CTNNBL1: variants seen among roughly 807,000 people sequenced by gnomAD.
CTNNBL1 encodes beta-catenin-like protein 1.
Under a neutral mutation model 72.7 loss-of-function variants are expected in CTNNBL1, and 31 were observed. The observed-to-expected ratio is 0.43, with a 90% CI of 0.32 to 0.58. The LOEUF is 0.58. Among genes scored for constraint, CTNNBL1 ranks in the 20% least tolerant of loss-of-function variants. The pLI is 0.08. For synonymous variants in CTNNBL1, 240 were observed against 267.3 expected (o/e 0.90, Z 1.00); for missense variants, 534 against 725.1 (o/e 0.74, Z 3.03).
chr20:37,839,059 G>A (rs980546978), intron 11 of CTNNBL1, among the ~76,000 whole-genome samples: 25 of 152,054 alleles, frequency 1.6e-4, no homozygotes, highest in African/African-American at 5.8e-4. Context: ...CGATTACCAG[G>A]GAAGTGAATA....
At chr20:37,766,102 C>T (rs1392354700) in intron 6 of CTNNBL1, among the ~76,000 whole-genome samples, 1 of 151,892 alleles carries the variant, frequency 6.6e-6, no homozygotes, top group Non-Finnish European at 1.5e-5. Context: ...TAGTTCTGGA[C>T]TCTGTTCCCT....
intron 13 of CTNNBL1, among the ~76,000 whole-genome samples, chr20:37,843,105 G>A (rs1704537934): frequency 6.6e-6 from 1 of 152,144 alleles, no homozygotes; most frequent in South Asian, 2.1e-4. Flanking sequence ...CTTTCCATCT[G>A]TATTCCTTAA....
At chr20:37,833,040 C>T (rs1600516635) in intron 11 of CTNNBL1, among the ~76,000 whole-genome samples, 1 of 152,098 alleles carries the variant, frequency 6.6e-6, no homozygotes, top group Non-Finnish European at 1.5e-5. Context: ...AGCATGCCTC[C>T]GTGTGTATCA....
rs575140701 is a variant in CTNNBL1 at position 37,782,070 on chromosome 20, T to C, written c.1031+2735T>C. 5.3e-5 allele frequency among the ~76,000 whole-genome samples: 8 copies of C among 152,304 alleles called. No homozygotes were observed. In the South Asian group the frequency reaches 1.2e-3, roughly 24 times the overall value. On this transcript the variant is annotated intron_variant, in intron 10 of 15. Coordinates refer to ENST00000361383, the MANE Select transcript of CTNNBL1 (RefSeq NM_030877.5). ...CAGGTATTTTGGCAGAATTAAACTA[T>C]ATAAAGTATCTAGGAGAATTCTACA...
At chr20:37,698,392 C>T (rs1004228943) in intron 1 of CTNNBL1, among the ~76,000 whole-genome samples, 2 of 152,154 alleles carry the variant, frequency 1.3e-5, no homozygotes, top group South Asian at 2.1e-4. Context: ...GAGGCCCACC[C>T]GTTAGGCACC....
chr20:37,740,420 A>G (rs1267256882), intron 3 of CTNNBL1, among the ~76,000 whole-genome samples: 1 of 152,160 alleles, frequency 6.6e-6, no homozygotes, highest in Non-Finnish European at 1.5e-5. Context: ...CATACCCAAA[A>G]ATGCCTCTCT....
In CTNNBL1 at chr20:37,719,030, T is replaced by C. The variant is rs141475849; in HGVS notation, c.31-13849T>C. 2.3e-4 allele frequency among the ~76,000 whole-genome samples: 35 copies of C among 152,364 alleles called. 1 individual carries two copies. The East Asian group carries it at 6.2e-3, about 27-fold the overall frequency. ...TGTAAATTACAGGGTTAGACTAGTA[T>C]TCTTTGTCTGAATCTGAGTTTTACT... is the stretch of plus-strand genomic sequence containing the variant. On this transcript the variant is annotated intron_variant, in intron 1 of 15. Transcript: ENST00000361383.
intron 1 of CTNNBL1, among the ~76,000 whole-genome samples, chr20:37,716,990 T>TGAGC (rs1235024722): frequency 1.3e-5 from 2 of 152,250 alleles, no homozygotes; most frequent in Non-Finnish European, 2.9e-5. Flanking sequence ...AAGGAATGAA[T>TGAGC]GAGCAGGTGT....
intron 11 of CTNNBL1, among the ~76,000 whole-genome samples, chr20:37,827,129 A>G (rs1218775725): frequency 2.0e-5 from 3 of 152,232 alleles, no homozygotes; most frequent in Non-Finnish European, 4.4e-5. Context: ...GCTTTCACTC[A>G]GCATACTGTT....
chr20:37,866,243 G>A (rs1348051823), intron 15 of CTNNBL1, among the ~76,000 whole-genome samples: 1 of 152,188 alleles, frequency 6.6e-6, no homozygotes, highest in South Asian at 2.1e-4. Context: ...TGCTGCCCCC[G>A]GGCCTCACAC....
intron 10 of CTNNBL1, among the ~76,000 whole-genome samples, chr20:37,792,425 C>T (rs745670395): frequency 1.6e-4 from 24 of 152,168 alleles, no homozygotes; most frequent in Non-Finnish European, 2.8e-4. Context: ...CCTCCTGCCT[C>T]AGCCTCCTAA....
chr20:37,746,751 C>T, intron 4 of CTNNBL1, 144 bp downstream of exon 4: 1 of 1,112,848 alleles, frequency 9.0e-7, no homozygotes. Flanking sequence ...TTGAAACACA[C>T]AATGCTTTTT....
intron 3 of CTNNBL1, among the ~76,000 whole-genome samples, chr20:37,745,008 A>T (rs747641527): frequency 3.9e-5 from 6 of 152,216 alleles, no homozygotes; most frequent in African/African-American, 1.4e-4. Flanking sequence ...AGTATTATCA[A>T]TGGTTATTTT....
At chr20:37,755,599 T>C (rs1163865599) in intron 4 of CTNNBL1, among the ~76,000 whole-genome samples, 4 of 152,226 alleles carry the variant, frequency 2.6e-5, no homozygotes, top group Non-Finnish European at 5.9e-5. Flanking sequence ...CAGTTAGAGA[T>C]GAGTAAAGCA....
At chr20:37,741,869 G>A (rs1225638760) in intron 3 of CTNNBL1, among the ~76,000 whole-genome samples, 1 of 151,962 alleles carries the variant, frequency 6.6e-6, no homozygotes, top group Non-Finnish European at 1.5e-5. Context: ...GTTTTATTTT[G>A]ATAATTTTCT....
chr20:37,697,346 C>T (rs1158623643), intron 1 of CTNNBL1, among the ~76,000 whole-genome samples: 1 of 152,024 alleles, frequency 6.6e-6, no homozygotes, highest in Non-Finnish European at 1.5e-5. Flanking sequence ...GAGGAATGGG[C>T]ATTAAAGGAC....
At chr20:37,806,159 T>C (rs1173167377) in intron 11 of CTNNBL1, among the ~76,000 whole-genome samples, 1 of 152,176 alleles carries the variant, frequency 6.6e-6, no homozygotes, top group South Asian at 2.1e-4. Context: ...ACCCCCACTT[T>C]AGAGCCACAC....
At chr20:37,794,433 C>T (rs2073752871) in intron 10 of CTNNBL1, among the ~76,000 whole-genome samples, 1 of 152,208 alleles carries the variant, frequency 6.6e-6, no homozygotes. Context: ...TCCTGGGCCT[C>T]AGCCTCCTGA....
intron 11 of CTNNBL1, among the ~76,000 whole-genome samples, chr20:37,825,532 G>C (rs1483375133): frequency 1.3e-5 from 2 of 152,142 alleles, no homozygotes; most frequent in South Asian, 2.1e-4. Context: ...AAAATTAGCT[G>C]GGCGTGGTGG....
Sources: gnomAD v4.1 joint callset for allele counts (sites outside exome capture counted in the v4.1 genomes callset) on GRCh38, gnomAD v4.1.1 for gene constraint, MANE v1.5 for transcripts, NCBI Gene and HGNC (gene_info 2026-07-23, HGNC 2026-07-21) for gene names.